The following HCRTR2 variants were observed in gnomAD, a reference collection of about 807,000 sequenced individuals.
HCRTR2 encodes orexin receptor type 2.
In HCRTR2, 22 loss-of-function variants were observed where a neutral mutation model predicts 49.0. That is an observed-to-expected ratio of 0.45 (90% CI 0.32 to 0.64). The LOEUF (loss-of-function observed/expected upper bound fraction) is 0.64. Among genes scored for constraint, HCRTR2 ranks in the 30% least tolerant of loss-of-function variants. The pLI is 0.04. For synonymous variants in HCRTR2, 236 were observed against 205.3 expected, an observed-to-expected ratio of 1.15 and a Z score of -1.28; for missense variants, 491 against 559.4, an observed-to-expected ratio of 0.88 and a Z score of 1.23.
chr6:55,132,548 T>C (rs1459452546), intron 1 of HCRTR2, among the ~76,000 whole-genome samples: 17 of 151,862 alleles, frequency 1.1e-4, no homozygotes. Flanking sequence ...AGATGGAATG[T>C]GGTGCATTAA....
intron 1 of HCRTR2, among the ~76,000 whole-genome samples, chr6:55,161,887 C>CAAATTCT (rs1764810778): frequency 6.6e-6 from 1 of 152,038 alleles, no homozygotes; most frequent in African/African-American, 2.4e-5. Flanking sequence ...GATTCACAGC[C>CAAATTCT]AAATTCTACA....
At chr6:55,258,036 G>A (rs890592631) in intron 3 of HCRTR2, among the ~76,000 whole-genome samples, 1 of 151,994 alleles carries the variant, frequency 6.6e-6, no homozygotes, top group Admixed American at 6.6e-5. Context: ...CATTGTTCAT[G>A]TAAACTATTT....
intron 2 of HCRTR2, among the ~76,000 whole-genome samples, chr6:55,250,320 T>A (rs1012056818): frequency 6.6e-6 from 1 of 152,090 alleles, no homozygotes; most frequent in African/African-American, 2.4e-5. Flanking sequence ...AATGAATGGC[T>A]CTGGTGGTGT....
At chr6:55,213,400 A>T (rs1291870086) in intron 1 of HCRTR2, among the ~76,000 whole-genome samples, 4 of 152,290 alleles carry the variant, frequency 2.6e-5, no homozygotes, top group South Asian at 2.1e-4. Flanking sequence ...GGAGAATTAA[A>T]ACTGAACTAG....
At chr6:55,237,794 T>G (rs550317877) in intron 1 of HCRTR2, among the ~76,000 whole-genome samples, 1 of 152,330 alleles carries the variant, frequency 6.6e-6, no homozygotes, top group South Asian at 2.1e-4. Context: ...AGAAACTATT[T>G]TGTAATAGTA....
chr6:55,261,865 A>G lies in HCRTR2; in HGVS notation c.647-1842A>G, dbSNP rs1048471631. Among the ~76,000 whole-genome samples, 3 of 152,202 alleles carry G rather than the reference A, an allele frequency of 2.0e-5. No individual in the cohort carries two copies. In the South Asian group the frequency reaches 6.2e-4, roughly 31 times the overall value. On this transcript the variant is annotated intron_variant, in intron 3 of 6. Coordinates refer to ENST00000370862, the MANE Select transcript of HCRTR2 (RefSeq NM_001384272.1). ...CAGCACAATTCGCAAATGGAAAAAT[A>G]TAGAACCAGCCCAAATGCCCATCAA...
chr6:55,247,547 G>A (rs1026202035), intron 1 of HCRTR2, among the ~76,000 whole-genome samples: 10 of 152,124 alleles, frequency 6.6e-5, no homozygotes, highest in Non-Finnish European at 1.3e-4. Flanking sequence ...GCTCTGACAG[G>A]TTTGTGATGC....
At chr6:55,192,407 G>GTGCA (rs1554171085) in intron 1 of HCRTR2, among the ~76,000 whole-genome samples, 1 of 79,070 alleles carries the variant, frequency 1.3e-5, no homozygotes, top group Non-Finnish European at 2.5e-5. Context: ...ACACACGCGC[G>GTGCA]CGCGCGCACA....
intron 1 of HCRTR2, among the ~76,000 whole-genome samples, chr6:55,202,011 A>T (rs180804817): frequency 2.4e-4 from 36 of 152,302 alleles, no homozygotes; most frequent in African/African-American, 8.2e-4. Context: ...GAAGCTATAG[A>T]TACAATAATA....
At chr6:55,135,420 C>T (rs1296626338) in intron 1 of HCRTR2, among the ~76,000 whole-genome samples, 1 of 151,958 alleles carries the variant, frequency 6.6e-6, no homozygotes, top group Non-Finnish European at 1.5e-5. Flanking sequence ...ATCAGAATAT[C>T]GTAAAACCTC....
At chr6:55,242,286 C>A (rs1159715196) in intron 1 of HCRTR2, among the ~76,000 whole-genome samples, 2 of 152,110 alleles carry the variant, frequency 1.3e-5, no homozygotes, top group African/African-American at 2.4e-5. Context: ...GTGCAACCAT[C>A]GTCACTATCC....
chr6:55,162,672 C>T (rs9475185), intron 1 of HCRTR2, among the ~76,000 whole-genome samples: 24,876 of 152,158 alleles, frequency 0.16, 2,350 homozygotes, highest in Non-Finnish European at 0.22. Flanking sequence ...GCAAAAATCA[C>T]AAGCATTTCT....
Position 55,199,266 on chromosome 6 carries a change from G to T in HCRTR2, c.223+24456G>T, listed in dbSNP as rs566425002. ...ATTTTGTGGTTTTGACCAGTTTTTT[G>T]TTTTTTTTTTTAATGCAGCATGTCA... On this transcript the variant is annotated intron_variant, in intron 1 of 6. Transcript: ENST00000370862. 2.9e-3 allele frequency among the ~76,000 whole-genome samples: 409 copies of T among 140,852 alleles called. 3 individuals carry two copies. The highest frequency in any genetic ancestry group is 0.011 in the Middle Eastern group (3 of 280). 92.4% of individuals were successfully genotyped at this position (140,852 alleles called of 152,430 possible).
intron 1 of HCRTR2, among the ~76,000 whole-genome samples, chr6:55,231,638 T>A (rs966421546): frequency 2.0e-5 from 3 of 152,026 alleles, no homozygotes; most frequent in Non-Finnish European, 4.4e-5. Flanking sequence ...ACCTACTCCA[T>A]CCAAAAAATT....
At chr6:55,219,478 T>C (rs1358489681) in intron 1 of HCRTR2, among the ~76,000 whole-genome samples, 3 of 152,138 alleles carry the variant, frequency 2.0e-5, no homozygotes, top group African/African-American at 7.2e-5. Flanking sequence ...TAAGGGATAT[T>C]TGAAATGTTT....
chr6:55,267,928 A>C (rs1384706444), intron 4 of HCRTR2, among the ~76,000 whole-genome samples: 1 of 152,230 alleles, frequency 6.6e-6, no homozygotes, highest in African/African-American at 2.4e-5. Flanking sequence ...GTAACTACAT[A>C]GGTAAATACT....
intron 1 of HCRTR2, among the ~76,000 whole-genome samples, chr6:55,219,504 T>C (rs1562011197): frequency 6.6e-6 from 1 of 151,984 alleles, no homozygotes; most frequent in African/African-American, 2.4e-5. Context: ...TAAATGAAAA[T>C]GTCTCAAGAT....
chr6:55,238,805 A>G (rs1358315296), intron 1 of HCRTR2, among the ~76,000 whole-genome samples: 2 of 152,214 alleles, frequency 1.3e-5, no homozygotes, highest in African/African-American at 2.4e-5. Flanking sequence ...ACAAAAGACA[A>G]GTGGATTAAA....
intron 1 of HCRTR2, among the ~76,000 whole-genome samples, chr6:55,226,875 C>T (rs757897954): frequency 6.6e-5 from 10 of 151,816 alleles, no homozygotes; most frequent in South Asian, 4.2e-4. Context: ...CCCGCCACCA[C>T]GCCCGGCTAA....
Sources: gnomAD v4.1 joint callset for allele counts (sites outside exome capture counted in the v4.1 genomes callset) on GRCh38, gnomAD v4.1.1 for gene constraint, MANE v1.5 for transcripts, NCBI Gene and HGNC (gene_info 2026-07-23, HGNC 2026-07-21) for gene names.